Variants in SUN3 observed in about 807,000 individuals in gnomAD.
SUN3 encodes the protein Sad1 and UNC84 domain containing 3.
In SUN3, 36 loss-of-function variants were observed where a neutral mutation model predicts 48.2. That is an observed-to-expected ratio of 0.75 (90% CI 0.57 to 0.99). The LOEUF (loss-of-function observed/expected upper bound fraction) is 0.99, where lower values mean the gene tolerates loss of function less well. Among genes scored for constraint, SUN3 ranks in the 50% least tolerant of loss-of-function variants. The probability of loss-of-function intolerance (pLI) is 0.00; values close to 1 mark genes in which losing one functional copy is unlikely to be tolerated. For missense variants in SUN3, 419 were observed against 433.1 expected (o/e 0.97, Z 0.29); for synonymous variants, 148 against 147.9 (o/e 1.00, Z 0.00).
At chr7:48,019,977 C>CAAAAAAAAAAAAAAAAAAA (rs869166401) in intron 2 of SUN3, among the ~76,000 whole-genome samples, 81 of 64,116 alleles carry the variant, frequency 1.3e-3, no homozygotes, top group East Asian at 2.5e-3. Context: ...AAAGACACAT[C>CAAAAAAAAAAAAAAAAAAA]AAAAAAAAAA....
intron 5 of SUN3, 48 bp downstream of exon 5, chr7:48,007,117 G>T: frequency 6.5e-7 from 1 of 1,538,928 alleles, no homozygotes; most frequent in Non-Finnish European, 8.8e-7. Flanking sequence ...GGACATCCGC[G>T]CTAACCACCA....
chr7:47,997,510 A>G (rs1450479630), intron 6 of SUN3, among the ~76,000 whole-genome samples: 1 of 152,212 alleles, frequency 6.6e-6, no homozygotes, highest in African/African-American at 2.4e-5. Context: ...AGTGTGGTGG[A>G]ATTTTGAAAA....
chr7:48,025,287 A>C (rs1790104586), intron 2 of SUN3, among the ~76,000 whole-genome samples: 1 of 152,226 alleles, frequency 6.6e-6, no homozygotes, highest in African/African-American at 2.4e-5. Context: ...CATTATGCTA[A>C]GTGAAAGAAG....
At chr7:48,017,179 A>G (rs1789835392) in intron 3 of SUN3, 83 bp downstream of exon 3, 1 of 676,570 alleles carries the variant, frequency 1.5e-6, no homozygotes, top group African/African-American at 1.9e-5. Context: ...TAAAACAAAG[A>G]TAACATATTG....
chr7:48,005,915 C>T lies in SUN3; in HGVS notation c.577+54G>A. On this transcript the variant is annotated intron_variant, in intron 6 of 9. Coordinates refer to ENST00000297325, the MANE Select transcript of SUN3 (RefSeq NM_001030019.2). ...AACAAATGTAGAGAATAGGGACATTCCTGAAGCATTCTTTTTTTTTTAATG... is the reference window on the plus strand; with the variant it reads ...AACAAATGTAGAGAATAGGGACATTTCTGAAGCATTCTTTTTTTTTTAATG... The T allele has an allele frequency of 3.3e-6, 4 of 1,206,064 alleles. No homozygotes were observed. In the South Asian group the frequency reaches 5.3e-5, roughly 16 times the overall value. 74.7% of individuals were successfully genotyped at this position (1,206,064 alleles called of 1,614,324 possible).
intron 1 of SUN3, among the ~76,000 whole-genome samples, chr7:48,026,361 A>T (rs1235114980): frequency 6.6e-6 from 1 of 152,190 alleles, no homozygotes; most frequent in African/African-American, 2.4e-5. Flanking sequence ...AAGAACTATG[A>T]CAGTTAAGAA....
chr7:47,993,283 A>G (rs1045422293), intron 8 of SUN3, among the ~76,000 whole-genome samples: 4 of 152,204 alleles, frequency 2.6e-5, no homozygotes, highest in African/African-American at 9.6e-5. Context: ...TTACCATGCT[A>G]TCTAGGAATT....
In SUN3 at chr7:47,987,452, G is replaced by A. The variant is rs777009861; in HGVS notation, c.955-3C>T. ...AATAAATATTCAGAAACTGCATGCT[G>A]AAAATAAAGAAAAGAAAATCAATGC... On this transcript the variant is annotated splice_polypyrimidine_tract_variant and splice_region_variant and intron_variant, in intron 9 of 9. Coordinates refer to ENST00000297325, the MANE Select transcript of SUN3 (RefSeq NM_001030019.2). The A allele has an allele frequency of 2.6e-6, 4 of 1,545,570 alleles. No individual in the cohort carries two copies. The South Asian group carries it at 3.8e-5, about 15-fold the overall frequency.
At chr7:48,026,003 T>C in intron 1 of SUN3, 65 bp from the exon 2 acceptor site, 3 of 1,084,356 alleles carry the variant, frequency 2.8e-6, no homozygotes, top group South Asian at 2.7e-5. Context: ...ACTTGGACTT[T>C]AGCCACTACA....
intron 1 of SUN3, among the ~76,000 whole-genome samples, chr7:48,027,811 C>T (rs940216999): frequency 3.3e-5 from 5 of 152,166 alleles, no homozygotes; most frequent in African/African-American, 1.2e-4. Flanking sequence ...ATTCTGGAAC[C>T]TCTTCCTTTT....
chr7:47,988,863 A>G lies in SUN3; in HGVS notation c.879T>C (p.Cys293=). The change falls in exon 9 of 10, where the codon TGT becomes TGC. Residue 293 remains cysteine, a synonymous_variant. Transcript: ENST00000297325. ...GACCTAGGAAAATTTCTTCTCCTTCACATTTTTTTGTGATGCCCTATAAAG... is the reference window on the plus strand; with the variant it reads ...GACCTAGGAAAATTTCTTCTCCTTCGCATTTTTTTGTGATGCCCTATAAAG... ...EFSVYGITKK[C]EGEEIFLGQF... 6.2e-7 allele frequency: 1 copy of G among 1,605,570 alleles called. No homozygotes were observed. The highest frequency in any genetic ancestry group is 8.5e-7 in the Non-Finnish European group (1 of 1,174,662).
chr7:48,031,243 A>G (rs958118267), upstream of SUN3, among the ~76,000 whole-genome samples: 20 of 152,202 alleles, frequency 1.3e-4, no homozygotes, highest in Non-Finnish European at 1.9e-4. Context: ...ATTTTTTTCC[A>G]GAGAAGACAT....
Position 48,029,016 on chromosome 7 carries a change from A to C in SUN3, c.-78T>G. ...TCATTCCTATTTTATGAAAAACATG[A>C]AGCTATACATACAGTTTCTAAATTT... On this transcript the variant is annotated 5_prime_UTR_variant, in exon 1 of 10. Transcript: ENST00000297325. 6.3e-7 allele frequency: 1 copy of C among 1,593,088 alleles called. No individual in the cohort carries two copies. The highest frequency in any genetic ancestry group is 8.5e-7 in the Non-Finnish European group (1 of 1,170,262).
At chr7:48,009,912 C>T (rs1452079287) in intron 3 of SUN3, among the ~76,000 whole-genome samples, 1 of 152,102 alleles carries the variant, frequency 6.6e-6, no homozygotes, top group African/African-American at 2.4e-5. Context: ...CTGAGAAGAA[C>T]TTGGGTCTGG....
In SUN3 at chr7:47,999,623, C is replaced by T. The variant is rs113748535; in HGVS notation, c.578-3477G>A. 5.2e-3 allele frequency among the ~76,000 whole-genome samples: 786 copies of T among 152,348 alleles called. 11 individuals carry two copies. Among genetic ancestry groups the T allele is most frequent in the African/African-American group, 0.018 (733 of 41,586 alleles). On this transcript the variant is annotated intron_variant, in intron 6 of 9. Coordinates refer to ENST00000297325, the MANE Select transcript of SUN3 (RefSeq NM_001030019.2). ...TCTCAGCTCACTGCAATTTCCGCCT[C>T]GCCTTGCAGGTTCAAGCGATTCTCC...
At chr7:47,992,141 C>T (rs1789083129) in intron 8 of SUN3, among the ~76,000 whole-genome samples, 1 of 152,150 alleles carries the variant, frequency 6.6e-6, no homozygotes, top group African/African-American at 2.4e-5. Context: ...AGATGATTCC[C>T]GCTGCAAACT....
intron 7 of SUN3, among the ~76,000 whole-genome samples, chr7:47,995,234 G>A (rs565695945): frequency 2.0e-5 from 3 of 151,618 alleles, no homozygotes; most frequent in Non-Finnish European, 2.9e-5. Flanking sequence ...AGATGGTGAG[G>A]TGGTGGTGGT....
Position 47,988,865 on chromosome 7 carries a change from A to C in SUN3, c.877T>G (p.Cys293Gly). The C allele has an allele frequency of 6.2e-7, 1 of 1,603,762 alleles. No homozygotes were observed. The highest frequency in any genetic ancestry group is 8.5e-7 in the Non-Finnish European group (1 of 1,173,194). Residue 293 changes from cysteine to glycine, a missense_variant, in exon 9 of 10, where the codon TGT becomes GGT. Cys to Gly is a radical substitution (Grantham distance 159). Transcript: ENST00000297325. ...EFSVYGITKK[C>G]EGEEIFLGQF... ...CCTAGGAAAATTTCTTCTCCTTCAC[A>C]TTTTTTTGTGATGCCCTATAAAGAA...
Position 48,025,923 on chromosome 7 carries a change from C to T in SUN3, c.138G>A (p.Trp46Ter). 1.9e-6 allele frequency: 3 copies of T among 1,600,372 alleles called. No homozygotes were observed. The highest frequency in any genetic ancestry group is 2.6e-6 in the Non-Finnish European group (3 of 1,170,958). ...NPDANGVTRS[W>*]KIILSTMLTL... ...TAAGCATTGTACTTAGAATAATCTT[C>T]CATGATCGAGTTACCCTAAAAGAAT... Residue 46 changes from tryptophan to a stop codon, truncating the protein, a stop_gained, in exon 2 of 10, where the codon TGG (tryptophan) becomes TGA (stop). Transcript: ENST00000297325. LOFTEE classifies it high-confidence loss of function.
Sources: gnomAD v4.1 joint callset for allele counts (sites outside exome capture counted in the v4.1 genomes callset) on GRCh38, gnomAD v4.1.1 for gene constraint, MANE v1.5 for transcripts, NCBI Gene and HGNC (gene_info 2026-07-23, HGNC 2026-07-21) for gene names.